ARHGAP20: variants seen among roughly 807,000 people sequenced by gnomAD.
The protein encoded by ARHGAP20 is rho GTPase-activating protein 20.
A neutral mutation model predicts 73.7 loss-of-function variants in ARHGAP20; 34 were observed. The observed-to-expected ratio is 0.46, with a 90% CI of 0.35 to 0.61. The LOEUF is 0.61. Among genes scored for constraint, ARHGAP20 ranks in the 20% least tolerant of loss-of-function variants. ARHGAP20 has a pLI of 0.00. For synonymous variants in ARHGAP20, 523 were observed against 518.2 expected, an observed-to-expected ratio of 1.01 and a Z score of -0.13; for missense variants, 1,314 against 1,420.9, an observed-to-expected ratio of 0.92 and a Z score of 1.21.
intron 11 of ARHGAP20, among the ~76,000 whole-genome samples, chr11:110,586,631 C>A (rs1947674600): frequency 6.6e-6 from 1 of 152,166 alleles, no homozygotes; most frequent in Non-Finnish European, 1.5e-5. Context: ...CAAGGTCTGG[C>A]AGTAAACCAT....
Position 110,577,261 on chromosome 11 carries a change from T to C in ARHGAP20, c.*2109A>G. The C allele has an allele frequency of 1.4e-6, 2 of 1,428,110 alleles. No individual in the cohort carries two copies. The highest frequency in any genetic ancestry group is 1.8e-6 in the Non-Finnish European group (2 of 1,087,518). The allele number at this position is 1,428,110 out of a possible 1,614,324, so 88.5% of individuals were successfully genotyped here. A position where few individuals can be genotyped will look rare whatever the true frequency, so the allele number is the denominator to read the frequency against. ...TAGATAAAGCATCAGTCTAATATATTATAGATTGATGGAGTATAATAAAAT... is the reference window on the plus strand; with the variant it reads ...TAGATAAAGCATCAGTCTAATATATCATAGATTGATGGAGTATAATAAAAT... On this transcript the variant is annotated 3_prime_UTR_variant, in exon 15 of 15. Coordinates refer to ENST00000683387, the MANE Select transcript of ARHGAP20 (RefSeq NM_001384657.1).
intron 1 of ARHGAP20, chr11:110,711,598 C>A (rs1333738400): frequency 2.0e-5 from 30 of 1,483,558 alleles, no homozygotes; most frequent in Non-Finnish European, 2.6e-5. Flanking sequence ...ATGGAGCAGC[C>A]GCGCCTCGGC....
intron 1 of ARHGAP20, among the ~76,000 whole-genome samples, chr11:110,709,116 C>T (rs755851432): frequency 2.0e-5 from 3 of 152,166 alleles, no homozygotes; most frequent in Non-Finnish European, 4.4e-5. Flanking sequence ...TTTATTACAA[C>T]ACAGCTATGC....
chr11:110,648,223 A>ATATATATATATGTAAATATATATATG (rs1565457511), intron 2 of ARHGAP20, among the ~76,000 whole-genome samples: 54 of 38,490 alleles, frequency 1.4e-3, no homozygotes, highest in African/African-American at 5.2e-3. Flanking sequence ...ATATATATGT[A>ATATATATATATGTAAATATATATATG]TATATATATA....
In ARHGAP20 at chr11:110,712,235, G is replaced by T; in HGVS notation, c.-4C>A. The T allele has an allele frequency of 7.4e-7, 1 of 1,343,240 alleles. No individual in the cohort carries two copies. The highest frequency in any genetic ancestry group is 3.0e-5 in the Admixed American group (1 of 33,218). The allele number at this position is 1,343,240 out of a possible 1,614,324, so 83.2% of individuals were successfully genotyped here. ...GCTGGGGGGACATCGCTTCCATGAA[G>T]AAAATCTTCAAACAAATCCCAGCCC... On this transcript the variant is annotated 5_prime_UTR_variant, in exon 1 of 15. Transcript: ENST00000683387.
At chr11:110,662,584 G>GT (rs1199506182) in intron 2 of ARHGAP20, among the ~76,000 whole-genome samples, 1 of 151,876 alleles carries the variant, frequency 6.6e-6, no homozygotes, top group Admixed American at 6.6e-5. Context: ...ATAAGATAAT[G>GT]TGAGTAATTA....
At chr11:110,640,607 G>T (rs181929931) in intron 2 of ARHGAP20, among the ~76,000 whole-genome samples, 1 of 151,988 alleles carries the variant, frequency 6.6e-6, no homozygotes, top group African/African-American at 2.4e-5. Context: ...GCAATTATCT[G>T]TCTTAATGAG....
intron 9 of ARHGAP20, among the ~76,000 whole-genome samples, chr11:110,594,341 C>G (rs1322046676): frequency 6.6e-6 from 1 of 152,180 alleles, no homozygotes; most frequent in Non-Finnish European, 1.5e-5. Context: ...GTTACTTAAC[C>G]TCTTTTCTTT....
chr11:110,577,059 G>A lies in ARHGAP20; in HGVS notation c.*2311C>T. The A allele has an allele frequency of 4.1e-6, 6 of 1,448,704 alleles. No individual in the cohort carries two copies. The South Asian group carries it at 7.6e-5, about 18-fold the overall frequency. 89.7% of individuals were successfully genotyped at this position (1,448,704 alleles called of 1,614,324 possible). On this transcript the variant is annotated 3_prime_UTR_variant, in exon 15 of 15. Transcript: ENST00000683387. ...CTCTGGTGGGATGGTTAATTCTGCA[G>A]AATGGCATTTTATTTAACAGACAGC...
At chr11:110,697,316 T>C (rs1468401792) in intron 1 of ARHGAP20, among the ~76,000 whole-genome samples, 1 of 151,866 alleles carries the variant, frequency 6.6e-6, no homozygotes, top group Non-Finnish European at 1.5e-5. Flanking sequence ...TAGTTTTAAT[T>C]AGCATTTCTC....
chr11:110,689,523 AAATT>A (rs1950202300), intron 2 of ARHGAP20, among the ~76,000 whole-genome samples: 1 of 151,154 alleles, frequency 6.6e-6, no homozygotes, highest in Non-Finnish European at 1.5e-5. Flanking sequence ...ATTAACGAAT[AAATT>A]AATGAATAAA....
chr11:110,640,466 T>G (rs938678499), intron 2 of ARHGAP20, among the ~76,000 whole-genome samples: 1 of 151,968 alleles, frequency 6.6e-6, no homozygotes, highest in Non-Finnish European at 1.5e-5. Flanking sequence ...AAAAGACTAC[T>G]GAAATGAAGC....
At chr11:110,662,983 T>C (rs994332062) in intron 2 of ARHGAP20, among the ~76,000 whole-genome samples, 1 of 151,862 alleles carries the variant, frequency 6.6e-6, no homozygotes, top group Non-Finnish European at 1.5e-5. Context: ...AAAAGAAAAT[T>C]AGAAAAGTGT....
intron 2 of ARHGAP20, among the ~76,000 whole-genome samples, chr11:110,674,267 A>T (rs1410480982): frequency 6.6e-6 from 1 of 152,200 alleles, no homozygotes; most frequent in Non-Finnish European, 1.5e-5. Flanking sequence ...AAATATCTTT[A>T]TTTGTAAAAT....
chr11:110,648,484 ATTTT>A (rs34339794), intron 2 of ARHGAP20, among the ~76,000 whole-genome samples: 1 of 131,468 alleles, frequency 7.6e-6, no homozygotes, highest in African/African-American at 2.8e-5. Context: ...CATAACATGA[ATTTT>A]TTTTTTTTTT....
chr11:110,590,568 A>C, intron 11 of ARHGAP20, 80 bp downstream of exon 11: 1 of 1,371,750 alleles, frequency 7.3e-7, no homozygotes, highest in Non-Finnish European at 9.8e-7. Flanking sequence ...AAATAGAAAT[A>C]ATGTTCATAA....
intron 2 of ARHGAP20, among the ~76,000 whole-genome samples, chr11:110,659,642 A>G (rs1280667199): frequency 6.6e-6 from 1 of 152,028 alleles, no homozygotes; most frequent in Non-Finnish European, 1.5e-5. Context: ...GCCCATGCCT[A>G]TGTCCTGAAT....
chr11:110,628,599 T>A (rs574383418), intron 3 of ARHGAP20, among the ~76,000 whole-genome samples: 1 of 152,246 alleles, frequency 6.6e-6, no homozygotes, highest in East Asian at 1.9e-4. Context: ...AAAAATAACT[T>A]AGATCATTCG....
intron 1 of ARHGAP20, among the ~76,000 whole-genome samples, chr11:110,704,346 A>T (rs1273072829): frequency 6.6e-6 from 1 of 152,196 alleles, no homozygotes; most frequent in Non-Finnish European, 1.5e-5. Flanking sequence ...GGGCACACAT[A>T]CATTCCATTT....
Sources: gnomAD v4.1 joint callset for allele counts (sites outside exome capture counted in the v4.1 genomes callset) on GRCh38, gnomAD v4.1.1 for gene constraint, MANE v1.5 for transcripts, NCBI Gene and HGNC (gene_info 2026-07-23, HGNC 2026-07-21) for gene names.